The following NUBPL variants were observed in gnomAD, a reference collection of about 807,000 sequenced individuals.
The protein encoded by NUBPL is NUBP iron-sulfur cluster assembly factor, mitochondrial, also known as iron-sulfur cluster transfer protein NUBPL.
Under a neutral mutation model 45.7 loss-of-function variants are expected in NUBPL, and 31 were observed. The ratio of observed to expected loss-of-function variants is 0.68; its 90% CI spans 0.51 to 0.92. The LOEUF (loss-of-function observed/expected upper bound fraction) is 0.92. Among genes scored for constraint, NUBPL ranks in the 40% least tolerant of loss-of-function variants. The pLI is 0.00. For missense variants in NUBPL, 401 were observed against 398.7 expected (o/e 1.01, Z -0.05); for synonymous variants, 144 against 140.9 (o/e 1.02, Z -0.15).
chr14:31,670,108 G>A (rs1170812091), intron 4 of NUBPL, among the ~76,000 whole-genome samples: 1 of 152,040 alleles, frequency 6.6e-6, no homozygotes, highest in African/African-American at 2.4e-5. Context: ...CAGTGTGTAG[G>A]TGTTGCCTTT....
chr14:31,841,918 T>TTTTGG (rs1491549991), intron 8 of NUBPL, among the ~76,000 whole-genome samples: 1 of 74,652 alleles, frequency 1.3e-5, no homozygotes, highest in African/African-American at 6.6e-5. Flanking sequence ...GATTCTGGGC[T>TTTTGG]TTTTTTTTTT....
chr14:31,611,280 C>T (rs1180700524), intron 4 of NUBPL, among the ~76,000 whole-genome samples: 1 of 152,074 alleles, frequency 6.6e-6, no homozygotes, highest in African/African-American at 2.4e-5. Flanking sequence ...TTTTTATATG[C>T]CAACAGTGAA....
intron 6 of NUBPL, among the ~76,000 whole-genome samples, chr14:31,697,317 A>G (rs1303330579): frequency 1.3e-5 from 2 of 152,266 alleles, no homozygotes; most frequent in East Asian, 3.8e-4. Context: ...GTGCCAAGCC[A>G]GTGAAATATA....
chr14:31,724,787 TA>T (rs1275893512), intron 6 of NUBPL, among the ~76,000 whole-genome samples: 1 of 152,116 alleles, frequency 6.6e-6, no homozygotes, highest in Non-Finnish European at 1.5e-5. Context: ...AACAAACAGA[TA>T]AATGAAAACC....
At chr14:31,612,467 T>TC (rs1361599358) in intron 4 of NUBPL, among the ~76,000 whole-genome samples, 2 of 151,954 alleles carry the variant, frequency 1.3e-5, no homozygotes, top group Admixed American at 6.6e-5. Context: ...ATAGAGACCA[T>TC]CTGGCCAACA....
chr14:31,857,586 G>C (rs543488994), intron 10 of NUBPL, among the ~76,000 whole-genome samples: 1 of 152,194 alleles, frequency 6.6e-6, no homozygotes, highest in African/African-American at 2.4e-5. Flanking sequence ...TTAACCTCTT[G>C]AATGCTTTGC....
chr14:31,744,213 C>T (rs778368993), intron 6 of NUBPL, among the ~76,000 whole-genome samples: 7 of 152,014 alleles, frequency 4.6e-5, no homozygotes, highest in Admixed American at 6.5e-5. Flanking sequence ...AGCCTTATGT[C>T]GTAGACATGA....
At chr14:31,652,107 ACTC>A (rs1242007122) in intron 4 of NUBPL, among the ~76,000 whole-genome samples, 1 of 152,158 alleles carries the variant, frequency 6.6e-6, no homozygotes, top group African/African-American at 2.4e-5. Context: ...TATATATACT[ACTC>A]AGCCTCATAA....
At chr14:31,669,420 A>G (rs117236306) in intron 4 of NUBPL, among the ~76,000 whole-genome samples, 2,362 of 150,130 alleles carry the variant, frequency 0.016, 26 homozygotes, top group Non-Finnish European at 0.021. Context: ...AGGCTTATTT[A>G]TGTTTGTGAA....
At position 31,850,111 on chromosome 14, in the gene NUBPL, T is replaced by G. The variant is rs2040514863; in HGVS notation, c.815-8T>G. 1.2e-6 allele frequency: 2 copies of G among 1,610,096 alleles called. No individual in the cohort carries two copies. Among genetic ancestry groups the G allele is most frequent in the Non-Finnish European group, 1.7e-6 (2 of 1,176,520 alleles). ...TGGTTCTAATGGATGTCTGCTGGGC[T>G]CTTTTAGGAGACATTCCCTTACACC... On this transcript the variant is annotated splice_region_variant and splice_polypyrimidine_tract_variant and intron_variant, in intron 9 of 10. Transcript: ENST00000281081.
intron 7 of NUBPL, among the ~76,000 whole-genome samples, chr14:31,790,607 T>C (rs2039362272): frequency 6.6e-6 from 1 of 152,094 alleles, no homozygotes. Context: ...ATCCCAGCAC[T>C]TTGGGAGGCT....
rs572354415 is a variant in NUBPL, at chr14:31,702,563, ATGAATGTATG to A, written c.513+28992_513+29001del. On this transcript the variant is annotated intron_variant, in intron 6 of 10. Transcript: ENST00000281081. ...AATGTGAATAATACTGGTTTCCAAA[ATGAATGTATG>A]TGTAAAGCTAAATTTGGATATTAAC... Among the ~76,000 whole-genome samples, 62 of 152,356 alleles carry A rather than the reference ATGAATGTATG, an allele frequency of 4.1e-4. 1 individual carries two copies. In the East Asian group the frequency reaches 0.011, roughly 27 times the overall value.
At chr14:31,686,082 T>C (rs774560073) in intron 6 of NUBPL, among the ~76,000 whole-genome samples, 1 of 152,206 alleles carries the variant, frequency 6.6e-6, no homozygotes, top group Non-Finnish European at 1.5e-5. Flanking sequence ...AGATGAATGA[T>C]AAGACCCCTG....
At chr14:31,791,559 A>G (rs1301366052) in intron 7 of NUBPL, among the ~76,000 whole-genome samples, 1 of 152,168 alleles carries the variant, frequency 6.6e-6, no homozygotes, top group Non-Finnish European at 1.5e-5. Flanking sequence ...AAATTTAGGA[A>G]GTTTACACTC....
At chr14:31,823,676 A>G (rs1338697096) in intron 7 of NUBPL, among the ~76,000 whole-genome samples, 3 of 152,142 alleles carry the variant, frequency 2.0e-5, no homozygotes, top group Non-Finnish European at 4.4e-5. Flanking sequence ...GAAACTATCT[A>G]GTGCAGGCAT....
Position 31,681,029 on chromosome 14 carries a change from A to G in NUBPL, c.513+7455A>G, listed in dbSNP as rs189098963. Among the ~76,000 whole-genome samples, 13 of 152,190 alleles carry G rather than the reference A, an allele frequency of 8.5e-5. No homozygotes were observed. In the East Asian group the frequency reaches 1.3e-3, roughly 16 times the overall value. On this transcript the variant is annotated intron_variant, in intron 6 of 10. Transcript: ENST00000281081. ...TGGTTTGTAATTTATTTTTCTTGTAATATTTTTTTCAAGTGTTATATGAGA... is the reference window on the plus strand; with the variant it reads ...TGGTTTGTAATTTATTTTTCTTGTAGTATTTTTTTCAAGTGTTATATGAGA...
At chr14:31,852,279 A>G (rs1439138215) in intron 10 of NUBPL, among the ~76,000 whole-genome samples, 2 of 152,270 alleles carry the variant, frequency 1.3e-5, no homozygotes, top group Non-Finnish European at 2.9e-5. Context: ...ATAAGATGTC[A>G]TGACACTAAA....
chr14:31,644,179 G>T (rs906610625), intron 4 of NUBPL, among the ~76,000 whole-genome samples: 1 of 151,726 alleles, frequency 6.6e-6, no homozygotes, highest in Admixed American at 6.6e-5. Flanking sequence ...CTTCCCTTCT[G>T]TTAATTTTGG....
chr14:31,721,981 G>T (rs937068363), intron 6 of NUBPL, among the ~76,000 whole-genome samples: 11 of 151,964 alleles, frequency 7.2e-5, no homozygotes, highest in African/African-American at 2.7e-4. Flanking sequence ...GTATTCCATG[G>T]TGTATATGTA....
Sources: gnomAD v4.1 joint callset for allele counts (sites outside exome capture counted in the v4.1 genomes callset) on GRCh38, gnomAD v4.1.1 for gene constraint, MANE v1.5 for transcripts, NCBI Gene and HGNC (gene_info 2026-07-23, HGNC 2026-07-21) for gene names.